Variants in CPEB3 observed in about 807,000 individuals in gnomAD.
CPEB3 encodes cytoplasmic polyadenylation element binding protein 3, also known as cytoplasmic polyadenylation element-binding protein 3.
CPEB3 carries 20 observed loss-of-function variants against 67.2 expected under a neutral mutation model. The observed-to-expected ratio is 0.30, with a 90% CI of 0.21 to 0.43. The LOEUF is 0.43. Ranked by LOEUF, CPEB3 falls within the 20% of genes least tolerant of loss-of-function variation. The pLI is 1.00. For missense variants in CPEB3, 746 were observed against 968.6 expected (o/e 0.77, Z 3.05); for synonymous variants, 376 against 393.1 (o/e 0.96, Z 0.51).
At chr10:92,121,960 T>C (rs1208244185) in intron 6 of CPEB3, among the ~76,000 whole-genome samples, 1 of 152,190 alleles carries the variant, frequency 6.6e-6, no homozygotes, top group Non-Finnish European at 1.5e-5. Context: ...GGCTTTCAGG[T>C]CAGAGGACTT....
intron 1 of CPEB3, among the ~76,000 whole-genome samples, chr10:92,253,463 CAAAAAAAAAAAAA>C (rs370091703): frequency 1.3e-5 from 1 of 76,852 alleles, no homozygotes; most frequent in Non-Finnish European, 2.6e-5. Flanking sequence ...TGTCTCAAAA[CAAAAAAAAAAAAA>C]AAAAAAAAGA....
intron 2 of CPEB3, chr10:92,216,482 A>G (rs1324380993): frequency 6.2e-7 from 1 of 1,612,928 alleles, no homozygotes; most frequent in Non-Finnish European, 8.5e-7. Flanking sequence ...CTACAAATGC[A>G]TTAAGAAAGC....
At chr10:92,057,270 C>A (rs548365850) in intron 9 of CPEB3, among the ~76,000 whole-genome samples, 12 of 152,304 alleles carry the variant, frequency 7.9e-5, no homozygotes, top group African/African-American at 2.9e-4. Context: ...GCAGTACTTA[C>A]CACGAGCTGA....
Position 92,249,440 on chromosome 10 carries a change from T to C in CPEB3, c.-11-9079A>G, listed in dbSNP as rs141421574. On this transcript the variant is annotated intron_variant, in intron 1 of 9. Coordinates refer to ENST00000265997, the MANE Select transcript of CPEB3 (RefSeq NM_014912.5). Reference sequence around the variant, plus strand: ...TACAGTACAAAATACTTGATAATTATAATAAATTACTGTTGTTGGTTCATG... The same window carrying C: ...TACAGTACAAAATACTTGATAATTACAATAAATTACTGTTGTTGGTTCATG... Among the ~76,000 whole-genome samples the C allele has an allele frequency of 5.4e-3, 816 of 152,032 alleles. 8 individuals carry two copies. The highest frequency in any genetic ancestry group is 0.019 in the African/African-American group (776 of 41,482).
chr10:92,190,665 CAAAAAAAAAAAAAAAAAAAAA>C (rs780757034), intron 3 of CPEB3, among the ~76,000 whole-genome samples: 42 of 78,396 alleles, frequency 5.4e-4, no homozygotes, highest in South Asian at 2.0e-3. Flanking sequence ...AACTCCATCT[CAAAAAAAAAAAAAAAAAAAAA>C]AAAAAAAAAA....
chr10:92,193,749 T>G (rs1849095010), intron 2 of CPEB3, among the ~76,000 whole-genome samples: 4 of 151,814 alleles, frequency 2.6e-5, no homozygotes, highest in African/African-American at 9.7e-5. Flanking sequence ...AACCAAAGGG[T>G]GACTATAATT....
Position 92,199,863 on chromosome 10 carries a change from A to T in CPEB3, c.1006-7227T>A, listed in dbSNP as rs559874356. On this transcript the variant is annotated intron_variant, in intron 2 of 9. Coordinates refer to ENST00000265997, the MANE Select transcript of CPEB3 (RefSeq NM_014912.5). ...CTGTTTTTAAATAGATATTCATTACATAATATACGAACCTATTTTTCTCCA... is the reference window on the plus strand; with the variant it reads ...CTGTTTTTAAATAGATATTCATTACTTAATATACGAACCTATTTTTCTCCA... Among the ~76,000 whole-genome samples the T allele has an allele frequency of 2.0e-5, 3 of 150,198 alleles. No homozygotes were observed. In the Admixed American group the frequency reaches 2.0e-4, roughly 10 times the overall value.
chr10:92,074,097 T>TTA (rs1305697251), intron 9 of CPEB3, among the ~76,000 whole-genome samples: 1 of 151,776 alleles, frequency 6.6e-6, no homozygotes, highest in Non-Finnish European at 1.5e-5. Context: ...TTTAACTATT[T>TTA]TTTTTTAATT....
intron 2 of CPEB3, among the ~76,000 whole-genome samples, chr10:92,212,339 T>C (rs1590401366): frequency 6.8e-6 from 1 of 146,472 alleles, no homozygotes; most frequent in African/African-American, 2.5e-5. Flanking sequence ...CAACCTCCAC[T>C]TCCCAGGTTC....
At chr10:92,089,345 T>C (rs1032581876) in intron 8 of CPEB3, among the ~76,000 whole-genome samples, 4 of 152,152 alleles carry the variant, frequency 2.6e-5, no homozygotes, top group African/African-American at 9.7e-5. Context: ...TAATATAGAT[T>C]ACTTTGCCAC....
At chr10:92,291,125 C>G (rs978376246), upstream of CPEB3, 2 of 369,586 alleles carry the variant, frequency 5.4e-6, no homozygotes, top group Non-Finnish European at 9.9e-6. Context: ...CTCTGGGCCG[C>G]CCTGCGTCGT....
intron 2 of CPEB3, among the ~76,000 whole-genome samples, chr10:92,234,762 T>A (rs960969167): frequency 6.6e-6 from 1 of 151,852 alleles, no homozygotes; most frequent in Non-Finnish European, 1.5e-5. Context: ...CCGTCTCTAC[T>A]AAAAATATAA....
At chr10:92,232,962 T>C (rs1167381577) in intron 2 of CPEB3, among the ~76,000 whole-genome samples, 1 of 152,196 alleles carries the variant, frequency 6.6e-6, no homozygotes, top group Non-Finnish European at 1.5e-5. Context: ...ATATTAACGT[T>C]TCTAGTAGCA....
rs949046060 is a variant in CPEB3, at chr10:92,268,895, G to C, written c.-12+22031C>G. ...CTACGAAACCAAGATTTGCATGCAA[G>C]AAATTTCAGGAGGGCACAATTGGCA... is the stretch of plus-strand genomic sequence containing the variant. On this transcript the variant is annotated intron_variant, in intron 1 of 9. Coordinates refer to ENST00000265997, the MANE Select transcript of CPEB3 (RefSeq NM_014912.5). Among the ~76,000 whole-genome samples the C allele has an allele frequency of 7.2e-5, 11 of 152,220 alleles. No individual in the cohort carries two copies. The East Asian group carries it at 1.9e-3, about 27-fold the overall frequency.
intron 2 of CPEB3, among the ~76,000 whole-genome samples, chr10:92,219,716 G>A (rs986826388): frequency 6.6e-6 from 1 of 152,070 alleles, no homozygotes; most frequent in Non-Finnish European, 1.5e-5. Flanking sequence ...GATCACACCA[G>A]AGTTAATAGG....
At chr10:92,204,986 C>T (rs1264309799) in intron 2 of CPEB3, among the ~76,000 whole-genome samples, 2 of 151,622 alleles carry the variant, frequency 1.3e-5, no homozygotes, top group Admixed American at 1.3e-4. Flanking sequence ...ATTACAGGTA[C>T]CTGCCACGAT....
At chr10:92,158,989 T>TTACACTTAAAA (rs1847337283) in intron 4 of CPEB3, among the ~76,000 whole-genome samples, 1 of 152,112 alleles carries the variant, frequency 6.6e-6, no homozygotes, top group African/African-American at 2.4e-5. Flanking sequence ...AGGCTGGGTG[T>TTACACTTAAAA]GGTGGCTCAC....
intron 3 of CPEB3, among the ~76,000 whole-genome samples, chr10:92,184,502 G>A (rs1384419571): frequency 6.6e-6 from 1 of 152,136 alleles, no homozygotes; most frequent in Non-Finnish European, 1.5e-5. Flanking sequence ...CTACTCGGGA[G>A]GCTAAGGCAG....
chr10:92,217,803 A>G (rs1230388356), intron 2 of CPEB3, among the ~76,000 whole-genome samples: 2 of 152,216 alleles, frequency 1.3e-5, no homozygotes, highest in African/African-American at 4.8e-5. Context: ...TTTAACAACA[A>G]ATGATTATAA....
Sources: allele counts gnomAD v4.1 joint callset (sites outside exome capture counted in the v4.1 genomes callset), GRCh38; gene constraint gnomAD v4.1.1; transcripts MANE v1.5; gene names NCBI Gene and HGNC (gene_info 2026-07-23, HGNC 2026-07-21).